NAA15: variants seen among roughly 807,000 people sequenced by gnomAD.
NAA15 encodes N-terminal acetyltransferase.
Under a neutral mutation model 114.0 loss-of-function variants are expected in NAA15, and 34 were observed. That is an observed-to-expected ratio of 0.30 (90% CI 0.23 to 0.40). The LOEUF is 0.40. Ranked by LOEUF, NAA15 falls within the 10% of genes least tolerant of loss-of-function variation. The probability of loss-of-function intolerance (pLI) is 1.00; values close to 1 mark genes in which losing one functional copy is unlikely to be tolerated. For synonymous variants in NAA15, 340 were observed against 338.0 expected (o/e 1.01, Z -0.06); for missense variants, 658 against 1,004.5 (o/e 0.66, Z 4.66).
chr4:139,351,517 A>C lies in NAA15; in HGVS notation c.920A>C (p.Lys307Thr). 6.3e-7 allele frequency: 1 copy of C among 1,594,468 alleles called. No individual in the cohort carries two copies. The highest frequency in any genetic ancestry group is 8.6e-7 in the Non-Finnish European group (1 of 1,162,808). Reference protein sequence around the residue: ...PLNFLSGEKFKECLDKFLRMN... With the variant: ...PLNFLSGEKFTECLDKFLRMN... ...TTTCTCTTCCAAGGTGAGAAGTTTA[A>C]AGAATGTTTGGATAAGTTCCTAAGG... Residue 307 changes from lysine (K) to threonine (T), a missense_variant, in exon 9 of 20, where the codon AAA (lysine) becomes ACA (threonine). By Grantham distance (78) the Lys-to-Thr change is moderately conservative (BLOSUM62 -1). This residue lies in a region of NAA15 where 281 missense variants were observed against 389.1 expected (regional missense o/e 0.72). Coordinates refer to ENST00000296543, the MANE Select transcript of NAA15 (RefSeq NM_057175.5).
intron 17 of NAA15, among the ~76,000 whole-genome samples, chr4:139,384,330 T>C (rs952714651): frequency 3.3e-5 from 5 of 151,984 alleles, no homozygotes; most frequent in African/African-American, 1.2e-4. Flanking sequence ...ATAGAAAAAT[T>C]AGCTGGACGT....
chr4:139,304,856 C>T (rs189364162), intron 1 of NAA15, among the ~76,000 whole-genome samples: 3 of 152,252 alleles, frequency 2.0e-5, no homozygotes, highest in East Asian at 3.9e-4. Context: ...CTCCCATCCC[C>T]TCTCGCTGCA....
chr4:139,333,610 C>T (rs1747102540), intron 1 of NAA15, among the ~76,000 whole-genome samples: 1 of 152,194 alleles, frequency 6.6e-6, no homozygotes, highest in Non-Finnish European at 1.5e-5. Flanking sequence ...GGCATAGTGG[C>T]TCATGCCTGT....
At chr4:139,375,619 A>T (rs1464309984) in intron 15 of NAA15, among the ~76,000 whole-genome samples, 1 of 152,148 alleles carries the variant, frequency 6.6e-6, no homozygotes, top group Non-Finnish European at 1.5e-5. Flanking sequence ...AGAGAAAGCA[A>T]ATATAGAATC....
At chr4:139,332,689 T>A (rs1359104058) in intron 1 of NAA15, among the ~76,000 whole-genome samples, 1 of 149,366 alleles carries the variant, frequency 6.7e-6, no homozygotes. Flanking sequence ...TTCAAATGAT[T>A]CTCCTGCCTC....
intron 11 of NAA15, among the ~76,000 whole-genome samples, chr4:139,359,197 C>T (rs1748058179): frequency 6.6e-6 from 1 of 152,048 alleles, no homozygotes; most frequent in Non-Finnish European, 1.5e-5. Context: ...GGCATGATCT[C>T]AGCTCACTGC....
At chr4:139,368,736 C>A (rs1748352684) in intron 14 of NAA15, among the ~76,000 whole-genome samples, 2 of 152,094 alleles carry the variant, frequency 1.3e-5, no homozygotes, top group Admixed American at 6.6e-5. Flanking sequence ...GAGGGGGGTC[C>A]TGCCTTTTTA....
chr4:139,310,449 G>C (rs1053786491), intron 1 of NAA15, among the ~76,000 whole-genome samples: 4 of 138,928 alleles, frequency 2.9e-5, no homozygotes, highest in African/African-American at 8.0e-5. Context: ...GCGAGACTCC[G>C]TCTCAAAAAA....
intron 5 of NAA15, 75 bp downstream of exon 5, chr4:139,343,035 C>T: frequency 1.5e-6 from 2 of 1,352,580 alleles, no homozygotes; most frequent in East Asian, 2.4e-5. Flanking sequence ...GTCTGGCTTA[C>T]TTTTAATTTT....
At chr4:139,379,791 C>G (rs1428006897) in intron 17 of NAA15, among the ~76,000 whole-genome samples, 1 of 152,124 alleles carries the variant, frequency 6.6e-6, no homozygotes, top group African/African-American at 2.4e-5. Context: ...CACCTGTAAT[C>G]CCAGCATTTC....
At chr4:139,347,876 C>CA (rs1361017714) in intron 6 of NAA15, among the ~76,000 whole-genome samples, 1 of 149,986 alleles carries the variant, frequency 6.7e-6, no homozygotes, top group Non-Finnish European at 1.5e-5. Context: ...ACTAAAAATA[C>CA]AAAAAATTAG....
In NAA15 at chr4:139,344,352, G is replaced by T. The variant is rs762481344; in HGVS notation, c.691+13G>T. ...GAAGAAACCAAAGGTATTTTTAAAA[G>T]AATTGTCATTTATTCTAATATTGAA... On this transcript the variant is annotated intron_variant, in intron 6 of 19. Transcript: ENST00000296543. The T allele has an allele frequency of 7.5e-6, 12 of 1,594,436 alleles. No homozygotes were observed. Among genetic ancestry groups the T allele is most frequent in the East Asian group, 2.2e-5 (1 of 44,564 alleles).
chr4:139,311,993 A>G (rs781679661), intron 1 of NAA15, among the ~76,000 whole-genome samples: 5 of 151,694 alleles, frequency 3.3e-5, no homozygotes, highest in Non-Finnish European at 5.9e-5. Flanking sequence ...AGGGAAAGTA[A>G]TCGTAGTGTT....
chr4:139,335,398 T>C (rs1050000485), intron 2 of NAA15, among the ~76,000 whole-genome samples: 6 of 149,580 alleles, frequency 4.0e-5, no homozygotes, highest in African/African-American at 7.7e-5. Flanking sequence ...TAGAGTTTCA[T>C]TGTGTTGTCC....
Position 139,301,656 on chromosome 4 carries a change from T to G in NAA15, c.-122T>G. 1 of 1,170,516 alleles carries G rather than the reference T, an allele frequency of 8.5e-7. No homozygotes were observed. The allele number at this position is 1,170,516 out of a possible 1,614,324, so 72.5% of individuals were successfully genotyped here. On this transcript the variant is annotated 5_prime_UTR_variant, in exon 1 of 20. Coordinates refer to ENST00000296543, the MANE Select transcript of NAA15 (RefSeq NM_057175.5). ...GGGCAACGCGGCGACACCCGAGGCC[T>G]GGTGGTGGCGGCGGATCGAGATATT...
chr4:139,377,340 C>T (rs909972499), intron 16 of NAA15, among the ~76,000 whole-genome samples: 3 of 152,044 alleles, frequency 2.0e-5, no homozygotes, highest in Admixed American at 6.6e-5. Context: ...AGTTTGACAC[C>T]AGCCTGACCA....
At chr4:139,355,495 A>G (rs1234023401) in intron 10 of NAA15, among the ~76,000 whole-genome samples, 1 of 151,924 alleles carries the variant, frequency 6.6e-6, no homozygotes, top group Non-Finnish European at 1.5e-5. Context: ...TGAATTTCCT[A>G]TAAACTGGTA....
chr4:139,315,078 T>TAGTTTAGTTTAGTTTAG (rs1253703101), intron 1 of NAA15, among the ~76,000 whole-genome samples: 2 of 144,880 alleles, frequency 1.4e-5, no homozygotes, highest in African/African-American at 5.3e-5. Context: ...TAGTTTAGTT[T>TAGTTTAGTTTAGTTTAG]TTGAGACGGA....
intron 14 of NAA15, among the ~76,000 whole-genome samples, chr4:139,362,376 C>T (rs1265243172): frequency 7.9e-5 from 12 of 152,258 alleles, no homozygotes; most frequent in East Asian, 1.9e-4. Context: ...CAGGTTCAAG[C>T]GATTCTCCTG....
Sources: gnomAD v4.1 joint callset for allele counts (sites outside exome capture counted in the v4.1 genomes callset) on GRCh38, gnomAD v4.1.1 for gene constraint, gnomAD v4.1.1 regional missense constraint, MANE v1.5 for transcripts, NCBI Gene and HGNC (gene_info 2026-07-23, HGNC 2026-07-21) for gene names.